PIP5K1A: variants seen among roughly 807,000 people sequenced by gnomAD.
The protein encoded by PIP5K1A is phosphatidylinositol-4-phosphate 5-kinase type 1 alpha, also known as phosphatidylinositol 4-phosphate 5-kinase type-1 alpha.
PIP5K1A carries 46 observed loss-of-function variants against 72.9 expected under a neutral mutation model. The observed-to-expected ratio is 0.63, with a 90% confidence interval of 0.50 to 0.81. The LOEUF (loss-of-function observed/expected upper bound fraction) is 0.81, where lower values mean the gene tolerates loss of function less well. Among genes scored for constraint, PIP5K1A ranks in the 30% least tolerant of loss-of-function variants. PIP5K1A has a pLI of 0.00. For synonymous variants in PIP5K1A, 228 were observed against 255.1 expected (o/e 0.89, Z 1.01); for missense variants, 458 against 706.1 (o/e 0.65, Z 3.98).
rs1281037353 is a variant in PIP5K1A at position 151,248,855 on chromosome 1, G to A, written c.*990G>A. The A allele has an allele frequency of 6.6e-6, 1 of 152,540 alleles. No homozygotes were observed. The highest frequency in any genetic ancestry group is 2.4e-5 in the African/African-American group (1 of 41,396). 9.4% of individuals were successfully genotyped at this position (152,540 alleles called of 1,614,324 possible). A position where few individuals can be genotyped will look rare whatever the true frequency, so the allele number is the denominator to read the frequency against. The stretch of plus-strand genomic sequence containing the variant: ...TCATCTTTTCCAACAGTGTTCTCCT[G>A]TTTGTGGAGCTAAGGTAAAGAGGGG... On this transcript the variant is annotated 3_prime_UTR_variant, in exon 16 of 16. Transcript: ENST00000368888.
intron 1 of PIP5K1A, among the ~76,000 whole-genome samples, chr1:151,208,264 C>A (rs587653291): frequency 2.0e-5 from 3 of 152,212 alleles, no homozygotes; most frequent in Non-Finnish European, 4.4e-5. Context: ...GACATCCTTG[C>A]ACTTCTGACT....
chr1:151,211,504 GAT>G (rs1190753047), intron 1 of PIP5K1A, among the ~76,000 whole-genome samples: 4 of 151,242 alleles, frequency 2.6e-5, no homozygotes, highest in African/African-American at 9.7e-5. Flanking sequence ...AAACTTAAAA[GAT>G]ATTTTGTTGG....
rs187965833 is a variant in PIP5K1A, at chr1:151,243,839, G to A, written c.1640+1272G>A. 8.2e-4 allele frequency among the ~76,000 whole-genome samples: 125 copies of A among 152,218 alleles called. 1 individual carries two copies. Among genetic ancestry groups the A allele is most frequent in the Non-Finnish European group, 1.4e-3 (97 of 68,020 alleles). On this transcript the variant is annotated intron_variant, in intron 14 of 15. Transcript: ENST00000368888. ...ATTCTCCTTGGGATTTACTCCATTAGACAAAAGCCACACTCATAAATATCT... is the reference window on the plus strand; with the variant it reads ...ATTCTCCTTGGGATTTACTCCATTAAACAAAAGCCACACTCATAAATATCT...
At chr1:151,225,184 C>A (rs1688923863) in intron 3 of PIP5K1A, among the ~76,000 whole-genome samples, 1 of 152,032 alleles carries the variant, frequency 6.6e-6, no homozygotes, top group Non-Finnish European at 1.5e-5. Context: ...AAAAATAAAA[C>A]ATTAGCCAGG....
At chr1:151,215,565 C>T (rs944388189) in intron 1 of PIP5K1A, among the ~76,000 whole-genome samples, 1 of 151,750 alleles carries the variant, frequency 6.6e-6, no homozygotes, top group African/African-American at 2.4e-5. Flanking sequence ...GAACTCTTGA[C>T]CTCAGGTGAT....
At chr1:151,203,445 C>T (rs587623886) in intron 1 of PIP5K1A, among the ~76,000 whole-genome samples, 1 of 151,454 alleles carries the variant, frequency 6.6e-6, no homozygotes, top group South Asian at 2.1e-4. Flanking sequence ...AGGAGAATTG[C>T]TTGAACCCGG....
intron 1 of PIP5K1A, among the ~76,000 whole-genome samples, chr1:151,210,550 G>C (rs1342267463): frequency 6.6e-6 from 1 of 152,020 alleles, no homozygotes; most frequent in Non-Finnish European, 1.5e-5. Flanking sequence ...CAAAAAAGCT[G>C]CTTATCTCTT....
At chr1:151,242,068 T>C (rs1013704157) in intron 12 of PIP5K1A, 55 bp from the exon 13 acceptor site, 2 of 1,570,224 alleles carry the variant, frequency 1.3e-6, no homozygotes, top group African/African-American at 2.7e-5. Context: ...TATCTATGTC[T>C]TGGTAATAGT....
Position 151,224,223 on chromosome 1 carries a change from ATTG to A in PIP5K1A, c.86-19_86-17del. The A allele has an allele frequency of 1.9e-6, 3 of 1,608,366 alleles. No individual in the cohort carries two copies. Among genetic ancestry groups the A allele is most frequent in the Non-Finnish European group, 2.6e-6 (3 of 1,175,022 alleles). On this transcript the variant is annotated intron_variant, in intron 1 of 15. Coordinates refer to ENST00000368888, the MANE Select transcript of PIP5K1A (RefSeq NM_001135638.2). ...TGTGAGTGTGTGATACACTCTTATGATTGTTTTTTTTTCCCCCCTAGCAGCATC... is the reference window on the plus strand; with the variant it reads ...TGTGAGTGTGTGATACACTCTTATGATTTTTTTTTCCCCCCTAGCAGCATC...
At chr1:151,241,575 C>A (rs186658426) in intron 12 of PIP5K1A, among the ~76,000 whole-genome samples, 2 of 151,684 alleles carry the variant, frequency 1.3e-5, no homozygotes, top group Admixed American at 1.3e-4. Context: ...CCTAGGTGGG[C>A]GGACCACCTG....
intron 8 of PIP5K1A, among the ~76,000 whole-genome samples, chr1:151,235,390 C>T (rs1005631210): frequency 7.2e-5 from 11 of 152,184 alleles, no homozygotes; most frequent in Non-Finnish European, 1.5e-4. Context: ...GCCTAGATAT[C>T]ACTCTTGACC....
chr1:151,209,788 G>A (rs1360701072), intron 1 of PIP5K1A, among the ~76,000 whole-genome samples: 1 of 151,858 alleles, frequency 6.6e-6, no homozygotes, highest in Non-Finnish European at 1.5e-5. Flanking sequence ...GGCTGGTCTT[G>A]AACTCCTAAT....
At chr1:151,207,845 C>G (rs587747228) in intron 1 of PIP5K1A, among the ~76,000 whole-genome samples, 1 of 145,446 alleles carries the variant, frequency 6.9e-6, no homozygotes, top group African/African-American at 2.6e-5. Context: ...CAAGATTAAT[C>G]TTAATAAATA....
At chr1:151,217,714 TG>T (rs1330823646) in intron 1 of PIP5K1A, among the ~76,000 whole-genome samples, 2 of 152,196 alleles carry the variant, frequency 1.3e-5, no homozygotes, top group Non-Finnish European at 2.9e-5. Context: ...CACAAGTAGC[TG>T]GGACTACAGA....
chr1:151,198,955 T>A lies in PIP5K1A; in HGVS notation c.-42T>A, dbSNP rs1229393861. On this transcript the variant is annotated 5_prime_UTR_variant, in exon 1 of 16. It adds an upstream start codon to the 5' untranslated region. Transcript: ENST00000368888. ...GATTCCGAGAAGAGGAAGAACCGGA[T>A]TGAAAGAGAGCCAGGCCGCTGAGGG... 1.9e-6 allele frequency: 3 copies of A among 1,574,810 alleles called. No individual in the cohort carries two copies. The East Asian group carries it at 6.7e-5, about 35-fold the overall frequency.
intron 1 of PIP5K1A, among the ~76,000 whole-genome samples, chr1:151,223,141 A>G (rs1043152110): frequency 4.6e-5 from 7 of 151,460 alleles, no homozygotes; most frequent in Non-Finnish European, 1.0e-4. Flanking sequence ...ACCTGAGGTC[A>G]GGAATTCAAG....
chr1:151,243,176 G>C (rs1390325726), intron 14 of PIP5K1A, among the ~76,000 whole-genome samples: 1 of 152,200 alleles, frequency 6.6e-6, no homozygotes, highest in African/African-American at 2.4e-5. Flanking sequence ...CTTAGAAACT[G>C]CCTGTCATAG....
intron 1 of PIP5K1A, among the ~76,000 whole-genome samples, chr1:151,204,321 C>T (rs1685640197): frequency 6.6e-6 from 1 of 152,142 alleles, no homozygotes; most frequent in African/African-American, 2.4e-5. Flanking sequence ...GGATTACAGG[C>T]ACCCGCCAAC....
chr1:151,216,900 GTTTTTT>G (rs78155966), intron 1 of PIP5K1A, among the ~76,000 whole-genome samples: 70 of 136,718 alleles, frequency 5.1e-4, no homozygotes, highest in African/African-American at 1.9e-3. Context: ...CTTAGTAAAT[GTTTTTT>G]TTTTTTTTTT....
Sources: gnomAD v4.1 joint callset for allele counts (sites outside exome capture counted in the v4.1 genomes callset) on GRCh38, gnomAD v4.1.1 for gene constraint, MANE v1.5 for transcripts, NCBI Gene and HGNC (gene_info 2026-07-23, HGNC 2026-07-21) for gene names.